The following PCDH15 variants were observed in gnomAD, a reference collection of about 807,000 sequenced individuals.
PCDH15 encodes protocadherin related 15.
PCDH15 carries 129 observed loss-of-function variants against 178.5 expected under a neutral mutation model. The ratio of observed to expected loss-of-function variants is 0.72; its 90% confidence interval spans 0.63 to 0.84. The LOEUF (loss-of-function observed/expected upper bound fraction) is 0.84, where lower values mean the gene tolerates loss of function less well. Among genes scored for constraint, PCDH15 ranks in the 40% least tolerant of loss-of-function variants. PCDH15 has a pLI of 0.00. For synonymous variants in PCDH15, 800 were observed against 732.0 expected, an observed-to-expected ratio of 1.09 and a Z score of -1.50; for missense variants, 2,230 against 2,099.9, an observed-to-expected ratio of 1.06 and a Z score of -1.21.
chr10:55,534,357 A>G (rs7094538), intron 2 of PCDH15, among the ~76,000 whole-genome samples: 113,492 of 151,964 alleles, frequency 0.75, 43,283 homozygotes, highest in East Asian at 0.99. Context: ...TCTATAGGGA[A>G]CCTAAACAAA....
At chr10:54,455,088 G>A (rs927613100) in intron 3 of PCDH15, among the ~76,000 whole-genome samples, 2 of 152,134 alleles carry the variant, frequency 1.3e-5, no homozygotes, top group Non-Finnish European at 2.9e-5. Context: ...GCCATGTGAA[G>A]AAGAATGTGT....
At chr10:55,178,766 C>T (rs1455964991) in intron 1 of PCDH15, among the ~76,000 whole-genome samples, 1 of 152,062 alleles carries the variant, frequency 6.6e-6, no homozygotes, top group South Asian at 2.1e-4. Flanking sequence ...CCTTTATAGT[C>T]CTGCCTATGA....
intron 2 of PCDH15, among the ~76,000 whole-genome samples, chr10:55,496,247 G>GA (rs142756971): frequency 2.0e-5 from 3 of 150,762 alleles, no homozygotes; most frequent in South Asian, 4.2e-4. Context: ...AGAAGATCAT[G>GA]AAAAAAAAAT....
In PCDH15 at chr10:54,020,516, T is replaced by C. The variant is rs932012005; in HGVS notation, c.2527-100A>G. ...CGTTAGTGCCTAGGACAGCATCAAT[T>C]TAACGAGGACAAAAAGACACGTTTT... On this transcript the variant is annotated intron_variant, in intron 19 of 37. Transcript: ENST00000644397. 2.6e-6 allele frequency: 3 copies of C among 1,149,176 alleles called. No individual in the cohort carries two copies. In the African/African-American group the frequency reaches 4.6e-5, roughly 18 times the overall value. The allele number at this position is 1,149,176 out of a possible 1,614,324, so 71.2% of individuals were successfully genotyped here. A position where few individuals can be genotyped will look rare whatever the true frequency, so the allele number is the denominator to read the frequency against.
At chr10:53,863,771 T>A (rs1315439007) in intron 27 of PCDH15, among the ~76,000 whole-genome samples, 1 of 152,110 alleles carries the variant, frequency 6.6e-6, no homozygotes, top group Non-Finnish European at 1.5e-5. Context: ...TGAGGCAATC[T>A]CCTAGAGCTG....
At chr10:54,325,419 G>A (rs1217242140) in intron 7 of PCDH15, among the ~76,000 whole-genome samples, 3 of 151,948 alleles carry the variant, frequency 2.0e-5, no homozygotes, top group African/African-American at 7.3e-5. Flanking sequence ...GGTGCTTAAT[G>A]TACATGACTT....
At chr10:55,345,794 A>G (rs187929881) in intron 2 of PCDH15, among the ~76,000 whole-genome samples, 40 of 152,116 alleles carry the variant, frequency 2.6e-4, no homozygotes, top group African/African-American at 8.7e-4. Flanking sequence ...AAATTTCCAA[A>G]TTTTTGAGAG....
chr10:53,825,538 T>C (rs948954465), intron 32 of PCDH15, among the ~76,000 whole-genome samples: 1 of 151,736 alleles, frequency 6.6e-6, no homozygotes, highest in African/African-American at 2.4e-5. Flanking sequence ...TTAAAGTAGA[T>C]ATATTTTGTT....
intron 3 of PCDH15, among the ~76,000 whole-genome samples, chr10:54,830,773 CA>C (rs537769524): frequency 1.3e-5 from 2 of 149,124 alleles, no homozygotes; most frequent in African/African-American, 2.5e-5. Context: ...TTCCAAAAAG[CA>C]AAAAAAAGAA....
chr10:54,378,971 C>T, intron 3 of PCDH15, 29 bp from the exon 4 acceptor site: 3 of 1,612,102 alleles, frequency 1.9e-6, no homozygotes, highest in Non-Finnish European at 2.5e-6. Flanking sequence ...TACTTGAAAA[C>T]ATATTCTACT....
At chr10:55,592,889 C>T (rs1589163114) in intron 2 of PCDH15, among the ~76,000 whole-genome samples, 1 of 152,068 alleles carries the variant, frequency 6.6e-6, no homozygotes, top group African/African-American at 2.4e-5. Context: ...ACAAGGCATA[C>T]AAAACTAGAC....
chr10:54,126,349 T>A (rs905446512), intron 15 of PCDH15, among the ~76,000 whole-genome samples: 4 of 151,974 alleles, frequency 2.6e-5, no homozygotes, highest in Non-Finnish European at 5.9e-5. Flanking sequence ...TTTCTACATT[T>A]CAAACTCTTT....
chr10:53,867,557 A>C (rs1015563877), intron 26 of PCDH15, among the ~76,000 whole-genome samples: 4 of 152,128 alleles, frequency 2.6e-5, no homozygotes, highest in African/African-American at 9.6e-5. Flanking sequence ...AGACATAGAC[A>C]CTAACAGAGT....
chr10:54,415,736 C>T lies in PCDH15; in HGVS notation c.158-36794G>A, dbSNP rs980425989. On this transcript the variant is annotated intron_variant, in intron 3 of 37. Coordinates refer to ENST00000644397, the MANE Select transcript of PCDH15 (RefSeq NM_001384140.1). Reference sequence around the variant, plus strand: ...AGGTAAATTTAGTGTGACAGACAAACAATGAAAATATTAGAAATGGTAGAA... The same window carrying T: ...AGGTAAATTTAGTGTGACAGACAAATAATGAAAATATTAGAAATGGTAGAA... Among the ~76,000 whole-genome samples the T allele has an allele frequency of 2.6e-5, 4 of 151,332 alleles. No homozygotes were observed. The East Asian group carries it at 7.8e-4, about 29-fold the overall frequency.
intron 26 of PCDH15, among the ~76,000 whole-genome samples, chr10:53,897,092 G>A (rs974236506): frequency 3.0e-4 from 46 of 152,250 alleles, no homozygotes; most frequent in African/African-American, 1.0e-3. Flanking sequence ...GGGGACCGCT[G>A]GTGTAGGACA....
At chr10:54,360,587 G>T (rs765612861) in intron 5 of PCDH15, among the ~76,000 whole-genome samples, 2 of 151,962 alleles carry the variant, frequency 1.3e-5, no homozygotes, top group East Asian at 1.9e-4. Context: ...TCATAAATTT[G>T]TGGGATTCTA....
At chr10:54,702,020 A>G (rs72794526) in intron 1 of PCDH15, among the ~76,000 whole-genome samples, 1,832 of 152,204 alleles carry the variant, frequency 0.012, 31 homozygotes, top group Admixed American at 0.04. Flanking sequence ...TCATCTGTAC[A>G]TGACACATAC....
intron 1 of PCDH15, among the ~76,000 whole-genome samples, chr10:55,183,353 A>C (rs1228547755): frequency 6.6e-6 from 1 of 151,974 alleles, no homozygotes; most frequent in Non-Finnish European, 1.5e-5. Flanking sequence ...GTAAATTATC[A>C]TTGATGAAAT....
chr10:54,940,969 A>G (rs1202340830), intron 2 of PCDH15, among the ~76,000 whole-genome samples: 1 of 152,028 alleles, frequency 6.6e-6, no homozygotes, highest in African/African-American at 2.4e-5. Flanking sequence ...CTGTCTAGCA[A>G]TGACTGCTTT....
Sources: gnomAD v4.1 joint callset for allele counts (sites outside exome capture counted in the v4.1 genomes callset) on GRCh38, gnomAD v4.1.1 for gene constraint, MANE v1.5 for transcripts, NCBI Gene and HGNC (gene_info 2026-07-23, HGNC 2026-07-21) for gene names.